STX17: variants seen among roughly 807,000 people sequenced by gnomAD.
The protein encoded by STX17 is syntaxin 17, also known as syntaxin-17.
In STX17, 29 loss-of-function variants were observed where a neutral mutation model predicts 35.9. The ratio of observed to expected loss-of-function variants is 0.81; its 90% CI spans 0.60 to 1.10. STX17 has a LOEUF of 1.10. Ranked by LOEUF, STX17 falls within the 50% of genes least tolerant of loss-of-function variation. The pLI, the probability that STX17 is intolerant of heterozygous loss-of-function variation, is 0.00. For synonymous variants in STX17, 92 were observed against 118.3 expected (o/e 0.78, Z 1.44); for missense variants, 312 against 352.3 (o/e 0.89, Z 0.92).
chr9:99,945,130 A>G (rs958771927), intron 3 of STX17, among the ~76,000 whole-genome samples: 2 of 152,082 alleles, frequency 1.3e-5, no homozygotes, highest in South Asian at 4.1e-4. Flanking sequence ...TTTGTGTTAA[A>G]CTTATTGTTC....
intron 4 of STX17, among the ~76,000 whole-genome samples, chr9:99,952,675 A>C (rs1183273068): frequency 6.6e-6 from 1 of 152,178 alleles, no homozygotes; most frequent in Non-Finnish European, 1.5e-5. Context: ...TGTGGCACAT[A>C]TACACCATGG....
chr9:99,951,545 A>G (rs1829597110), intron 4 of STX17, among the ~76,000 whole-genome samples: 1 of 152,010 alleles, frequency 6.6e-6, no homozygotes, highest in African/African-American at 2.4e-5. Flanking sequence ...AGAAATTTAA[A>G]TATATTTCCT....
intron 3 of STX17, among the ~76,000 whole-genome samples, chr9:99,943,657 C>T (rs1467215038): frequency 6.6e-6 from 1 of 152,176 alleles, no homozygotes; most frequent in African/African-American, 2.4e-5. Context: ...ATTGAATCCT[C>T]CAATCCATGA....
chr9:99,919,855 G>C (rs747444898), intron 2 of STX17, among the ~76,000 whole-genome samples: 31 of 152,184 alleles, frequency 2.0e-4, no homozygotes, highest in Non-Finnish European at 3.8e-4. Context: ...AAAATGATAA[G>C]AGGCAGCATA....
chr9:99,918,154 G>T (rs1364020138), intron 2 of STX17, among the ~76,000 whole-genome samples: 1 of 152,174 alleles, frequency 6.6e-6, no homozygotes, highest in African/African-American at 2.4e-5. Context: ...AATAGAGACA[G>T]AGTCTCACTC....
intron 4 of STX17, among the ~76,000 whole-genome samples, chr9:99,959,206 T>C (rs1829778543): frequency 6.6e-6 from 1 of 152,108 alleles, no homozygotes; most frequent in South Asian, 2.1e-4. Context: ...ATTGGATAGA[T>C]AGTATTTGTA....
At position 99,972,754 on chromosome 9, in the gene STX17, C is replaced by A. The variant is rs1318711258; in HGVS notation, c.*4081C>A. ...GAAACCAAACCATGCTTTGTGTTAA[C>A]CTTAAATATGAAAGGTGTTTCTCAG... On this transcript the variant is annotated 3_prime_UTR_variant, in exon 8 of 8. Coordinates refer to ENST00000259400, the MANE Select transcript of STX17 (RefSeq NM_017919.3). Among the ~76,000 whole-genome samples the A allele has an allele frequency of 6.6e-6, 1 of 152,158 alleles. No individual in the cohort carries two copies. Among genetic ancestry groups the A allele is most frequent in the Non-Finnish European group, 1.5e-5 (1 of 68,026 alleles).
intron 2 of STX17, among the ~76,000 whole-genome samples, chr9:99,922,893 C>T (rs1828915471): frequency 1.3e-5 from 2 of 152,152 alleles, no homozygotes; most frequent in Admixed American, 1.3e-4. Flanking sequence ...AAGGTCTGGG[C>T]AGTGGAAGCA....
At chr9:99,912,507 C>G (rs947174192) in intron 1 of STX17, among the ~76,000 whole-genome samples, 2 of 152,074 alleles carry the variant, frequency 1.3e-5, no homozygotes, top group Non-Finnish European at 2.9e-5. Flanking sequence ...CTCATACATT[C>G]TAGATATTAG....
chr9:99,914,685 A>G (rs1362301420), intron 1 of STX17, among the ~76,000 whole-genome samples: 1 of 152,192 alleles, frequency 6.6e-6, no homozygotes, highest in African/African-American at 2.4e-5. Context: ...TGTAATTACA[A>G]AGTTACATTA....
At chr9:99,944,856 T>C (rs1829445811) in intron 3 of STX17, among the ~76,000 whole-genome samples, 1 of 152,172 alleles carries the variant, frequency 6.6e-6, no homozygotes, top group African/African-American at 2.4e-5. Flanking sequence ...GACTTGTGGG[T>C]TATTTAGAAA....
At chr9:99,911,066 C>A (rs543443517) in intron 1 of STX17, among the ~76,000 whole-genome samples, 1 of 151,092 alleles carries the variant, frequency 6.6e-6, no homozygotes, top group Non-Finnish European at 1.5e-5. Context: ...GACGGAGTCT[C>A]GCTCTGTTGC....
At position 99,959,312 on chromosome 9, in the gene STX17, G is replaced by A. The variant is rs951675183; in HGVS notation, c.416-605G>A. ...AATTCTAGCATTTTGGGAAGCTGAG[G>A]CAGGAGGATCAGTTGAGGCCGGGAG... On this transcript the variant is annotated intron_variant, in intron 4 of 7. Coordinates refer to ENST00000259400, the MANE Select transcript of STX17 (RefSeq NM_017919.3). Among the ~76,000 whole-genome samples, 2 of 151,990 alleles carry A rather than the reference G, an allele frequency of 1.3e-5. 1 individual carries two copies. Among genetic ancestry groups the A allele is most frequent in the Admixed American group, 1.3e-4 (2 of 15,252 alleles).
At chr9:99,918,103 T>C (rs1353656589) in intron 2 of STX17, among the ~76,000 whole-genome samples, 1 of 152,154 alleles carries the variant, frequency 6.6e-6, no homozygotes, top group Non-Finnish European at 1.5e-5. Flanking sequence ...TTCTATGTTC[T>C]TTTTTCTCTC....
chr9:99,973,043 GT>G lies in STX17; in HGVS notation c.*4375del, dbSNP rs1242826712. Among the ~76,000 whole-genome samples, 4 of 151,958 alleles carry G rather than the reference GT, an allele frequency of 2.6e-5. No homozygotes were observed. Among genetic ancestry groups the G allele is most frequent in the African/African-American group, 9.7e-5 (4 of 41,376 alleles). On this transcript the variant is annotated 3_prime_UTR_variant, in exon 8 of 8. Coordinates refer to ENST00000259400, the MANE Select transcript of STX17 (RefSeq NM_017919.3). ...TTTGTTTTTAAATTAATACTTTATT[GT>G]TTTTAACAGGTGGTTCTCATAATTT...
rs71503725 is a variant in STX17 at position 99,945,926 on chromosome 9, C to T, written c.190-5134C>T. 9.9e-3 allele frequency: 1,582 copies of T among 160,598 alleles called. 15 individuals are homozygous for T. Among genetic ancestry groups the T allele is most frequent in the African/African-American group, 0.012 (484 of 41,560 alleles). The allele number at this position is 160,598 out of a possible 1,614,324, so 9.9% of individuals were successfully genotyped here. ...GTGAAACCCCATCTCTACTAAAATA[C>T]AAAAAAATTAGATGGGCGTGGTGGC... is the stretch of plus-strand genomic sequence containing the variant. On this transcript the variant is annotated intron_variant, in intron 3 of 7. Transcript: ENST00000259400.
intron 3 of STX17, among the ~76,000 whole-genome samples, chr9:99,941,884 T>C (rs1489457596): frequency 6.6e-6 from 1 of 152,230 alleles, no homozygotes; most frequent in African/African-American, 2.4e-5. Flanking sequence ...GTGTTTCCAT[T>C]CTGTGGATGG....
At chr9:99,932,995 G>A (rs1210845069) in intron 3 of STX17, among the ~76,000 whole-genome samples, 2 of 151,976 alleles carry the variant, frequency 1.3e-5, no homozygotes, top group Non-Finnish European at 2.9e-5. Flanking sequence ...TTCCTACTTT[G>A]GCGGCTTGTT....
intron 4 of STX17, among the ~76,000 whole-genome samples, chr9:99,952,261 C>CA (rs1014295391): frequency 3.3e-5 from 5 of 152,036 alleles, no homozygotes; most frequent in African/African-American, 9.6e-5. Flanking sequence ...TTTATGCAGC[C>CA]AAAAAACACA....
Sources: gnomAD v4.1 joint callset for allele counts (sites outside exome capture counted in the v4.1 genomes callset) on GRCh38, gnomAD v4.1.1 for gene constraint, MANE v1.5 for transcripts, NCBI Gene and HGNC (gene_info 2026-07-23, HGNC 2026-07-21) for gene names.